Variants in PLXDC2 observed in about 807,000 individuals in gnomAD.
The protein encoded by PLXDC2 is plexin domain-containing protein 2.
A neutral mutation model predicts 68.9 loss-of-function variants in PLXDC2; 40 were observed. That is an observed-to-expected ratio of 0.58 (90% confidence interval 0.45 to 0.76). The LOEUF (loss-of-function observed/expected upper bound fraction) is 0.76. PLXDC2 is among the 30% of genes least tolerant of loss of function. The pLI is 0.00. For synonymous variants in PLXDC2, 243 were observed against 234.2 expected (o/e 1.04, Z -0.34); for missense variants, 644 against 661.9 (o/e 0.97, Z 0.30).
intron 1 of PLXDC2, among the ~76,000 whole-genome samples, chr10:19,993,127 T>C (rs1232333746): frequency 6.6e-6 from 1 of 152,206 alleles, no homozygotes; most frequent in East Asian, 1.9e-4. Flanking sequence ...TTATTGTTAT[T>C]ATTATTAACC....
At position 20,189,504 on chromosome 10, in the gene PLXDC2, T is replaced by TATATATATATATATATAC. The variant is rs1554773611; in HGVS notation, c.1061+12096_1061+12097insTATATATATATATATACA. Among the ~76,000 whole-genome samples, 514 of 121,416 alleles carry TATATATATATATATATAC rather than the reference T, an allele frequency of 4.2e-3. 7 individuals are homozygous for TATATATATATATATATAC. Among genetic ancestry groups the TATATATATATATATATAC allele is most frequent in the Non-Finnish European group, 6.0e-3 (346 of 58,018 alleles). 79.7% of individuals were successfully genotyped at this position (121,416 alleles called of 152,430 possible). On this transcript the variant is annotated intron_variant, in intron 9 of 13. Transcript: ENST00000377252. ...ATATATATATATATATATATATATATACACATACACACACATATATATACA... is the reference window on the plus strand; with the variant it reads ...ATATATATATATATATATATATATATATATATATATATATATACACACATACACACACATATATATACA...
intron 1 of PLXDC2, among the ~76,000 whole-genome samples, chr10:19,950,554 A>C (rs1012041321): frequency 4.6e-5 from 7 of 152,180 alleles, no homozygotes; most frequent in Non-Finnish European, 1.5e-5. Flanking sequence ...AGATTTGAAT[A>C]AATAGTATTT....
In PLXDC2 at chr10:20,137,334, G is replaced by A. The variant is rs578215774; in HGVS notation, c.542-5961G>A. Among the ~76,000 whole-genome samples, 34 of 152,260 alleles carry A rather than the reference G, an allele frequency of 2.2e-4. No individual in the cohort carries two copies. The East Asian group carries it at 6.4e-3, about 29-fold the overall frequency. On this transcript the variant is annotated intron_variant, in intron 4 of 13. Transcript: ENST00000377252. ...ATATTGACTGTTACACTCTCATTTA[G>A]CAGGTTAGGTAACTGAGGTACACAG...
chr10:19,912,092 C>A (rs1465314992), intron 1 of PLXDC2, among the ~76,000 whole-genome samples: 4 of 152,156 alleles, frequency 2.6e-5, no homozygotes, highest in Non-Finnish European at 4.4e-5. Context: ...CACAGCATCT[C>A]AAGACTTTGG....
intron 7 of PLXDC2, among the ~76,000 whole-genome samples, chr10:20,170,404 G>A (rs1333195081): frequency 6.6e-6 from 1 of 152,180 alleles, no homozygotes; most frequent in Admixed American, 6.5e-5. Flanking sequence ...TGGCCAGGAT[G>A]ATCTCGAACT....
At chr10:20,099,856 G>T (rs1388062601) in intron 4 of PLXDC2, among the ~76,000 whole-genome samples, 1 of 151,702 alleles carries the variant, frequency 6.6e-6, no homozygotes, top group Non-Finnish European at 1.5e-5. Context: ...TTTTAAAGTA[G>T]ACATTTAAAA....
Position 19,988,723 on chromosome 10 carries a change from C to G in PLXDC2, c.113-13052C>G, listed in dbSNP as rs11011717. Among the ~76,000 whole-genome samples the G allele has an allele frequency of 3.5e-4, 45 of 129,352 alleles. No homozygotes were observed. The Admixed American group carries it at 3.7e-3, about 11-fold the overall frequency. The allele number at this position is 129,352 out of a possible 152,430, so 84.9% of individuals were successfully genotyped here. ...AGATTTTTCCATCATTTGATAAGGT[C>G]TAAAATATTTATATTGGCAAAATTT... On this transcript the variant is annotated intron_variant, in intron 1 of 13. Coordinates refer to ENST00000377252, the MANE Select transcript of PLXDC2 (RefSeq NM_032812.9).
rs1836123232 is a variant in PLXDC2, at chr10:20,284,379, T to C, written c.*4560T>C. The C allele has an allele frequency of 6.9e-6, 1 of 144,460 alleles. No homozygotes were observed. The highest frequency in any genetic ancestry group is 2.6e-5 in the African/African-American group (1 of 38,734). 8.9% of individuals were successfully genotyped at this position (144,460 alleles called of 1,614,324 possible). A position where few individuals can be genotyped will look rare whatever the true frequency, so the allele number is the denominator to read the frequency against. ...AATATACATATATATCAAATATATA[T>C]GTATATTTGATAGAGATGATAGCAA... On this transcript the variant is annotated 3_prime_UTR_variant, in exon 14 of 14. Coordinates refer to ENST00000377252, the MANE Select transcript of PLXDC2 (RefSeq NM_032812.9).
intron 9 of PLXDC2, among the ~76,000 whole-genome samples, chr10:20,197,003 A>G (rs1834848769): frequency 1.3e-5 from 2 of 150,066 alleles, no homozygotes; most frequent in South Asian, 4.2e-4. Flanking sequence ...TTTTTTTTCT[A>G]ATACGATGCA....
At chr10:20,031,035 A>G (rs1031912498) in intron 2 of PLXDC2, among the ~76,000 whole-genome samples, 1 of 152,286 alleles carries the variant, frequency 6.6e-6, no homozygotes, top group Middle Eastern at 3.4e-3. Context: ...TGACATACCA[A>G]CTGATTGCAG....
chr10:19,888,173 G>T (rs1368485907), intron 1 of PLXDC2, among the ~76,000 whole-genome samples: 2 of 152,102 alleles, frequency 1.3e-5, no homozygotes, highest in African/African-American at 4.8e-5. Context: ...AGCAGACCGG[G>T]CTATTGCTTT....
chr10:19,829,095 A>G (rs1388785745), intron 1 of PLXDC2, among the ~76,000 whole-genome samples: 2 of 142,734 alleles, frequency 1.4e-5, no homozygotes, highest in African/African-American at 2.7e-5. Flanking sequence ...ATCCCCGTAC[A>G]TTGTCTCTGT....
intron 1 of PLXDC2, among the ~76,000 whole-genome samples, chr10:19,932,938 C>G (rs1833664947): frequency 1.3e-5 from 2 of 152,136 alleles, no homozygotes; most frequent in African/African-American, 4.8e-5. Context: ...GTTCAGTTAC[C>G]TTTTGTATTA....
At chr10:20,228,473 G>A (rs1403050606) in intron 12 of PLXDC2, among the ~76,000 whole-genome samples, 2 of 151,900 alleles carry the variant, frequency 1.3e-5, no homozygotes, top group Non-Finnish European at 2.9e-5. Flanking sequence ...GAGGTGGGAG[G>A]ATTGCTTGAG....
intron 4 of PLXDC2, among the ~76,000 whole-genome samples, chr10:20,078,202 AC>A (rs1412501178): frequency 6.6e-6 from 1 of 152,096 alleles, no homozygotes; most frequent in Non-Finnish European, 1.5e-5. Flanking sequence ...ACACGGTGAG[AC>A]TTTATCTCTT....
At chr10:19,987,582 G>A (rs995589131) in intron 1 of PLXDC2, among the ~76,000 whole-genome samples, 1 of 149,660 alleles carries the variant, frequency 6.7e-6, no homozygotes, top group African/African-American at 2.5e-5. Context: ...CTTTTTTTGC[G>A]GCGGAATCTC....
At chr10:19,837,399 AGAGAGAGAGAGTGTGT>A (rs72096247) in intron 1 of PLXDC2, among the ~76,000 whole-genome samples, 26,215 of 107,130 alleles carry the variant, frequency 0.24, 2,519 homozygotes, top group South Asian at 0.39. Context: ...AGAGAGAGAG[AGAGAGAGAGAGTGTGT>A]GTGTGTGTGT....
At chr10:19,824,104 A>G (rs1224221675) in intron 1 of PLXDC2, among the ~76,000 whole-genome samples, 3 of 152,216 alleles carry the variant, frequency 2.0e-5, no homozygotes, top group African/African-American at 4.8e-5. Flanking sequence ...GCTCCCCAAG[A>G]TATTATGCCA....
chr10:19,923,461 G>A (rs1211980662), intron 1 of PLXDC2, among the ~76,000 whole-genome samples: 1 of 152,128 alleles, frequency 6.6e-6, no homozygotes, highest in Non-Finnish European at 1.5e-5. Context: ...TTTTATTCAT[G>A]CTAATAAAAT....
Sources: allele counts gnomAD v4.1 joint callset (sites outside exome capture counted in the v4.1 genomes callset), GRCh38; gene constraint gnomAD v4.1.1; transcripts MANE v1.5; gene names NCBI Gene and HGNC (gene_info 2026-07-23, HGNC 2026-07-21).